The following COL19A1 variants were observed in gnomAD, a reference collection of about 807,000 sequenced individuals.
COL19A1 encodes the protein collagen alpha-1(XIX) chain.
COL19A1 carries 159 observed loss-of-function variants against 190.2 expected under a neutral mutation model. The observed-to-expected ratio is 0.84, with a 90% CI of 0.73 to 0.95. COL19A1 has a LOEUF of 0.95. Among genes scored for constraint, COL19A1 ranks in the 40% least tolerant of loss-of-function variants. COL19A1 has a pLI of 0.00. For missense variants in COL19A1, 1,418 were observed against 1,431.9 expected (o/e 0.99, Z 0.16); for synonymous variants, 509 against 458.9 (o/e 1.11, Z -1.39).
At chr6:69,997,665 A>G (rs1777000109) in intron 11 of COL19A1, among the ~76,000 whole-genome samples, 1 of 152,174 alleles carries the variant, frequency 6.6e-6, no homozygotes, top group Non-Finnish European at 1.5e-5. Context: ...GAACTTAAAT[A>G]TGGATAAATT....
At chr6:70,075,824 T>A (rs928305297) in intron 15 of COL19A1, among the ~76,000 whole-genome samples, 2 of 152,198 alleles carry the variant, frequency 1.3e-5, no homozygotes, top group African/African-American at 4.8e-5. Flanking sequence ...ATAATACTTA[T>A]ATCAATAGTA....
rs549545250 is a variant in COL19A1, at chr6:69,884,239, G to A, written c.91+4581G>A. Reference sequence around the variant, plus strand: ...AATCCCAGCTACTTGGGAGGCTGAGGCAGGAGAATCACTTGAACCCAGGAG... The same window carrying A: ...AATCCCAGCTACTTGGGAGGCTGAGACAGGAGAATCACTTGAACCCAGGAG... On this transcript the variant is annotated intron_variant, in intron 2 of 50. Coordinates refer to ENST00000620364, the MANE Select transcript of COL19A1 (RefSeq NM_001858.6). Among the ~76,000 whole-genome samples, 26 of 151,998 alleles carry A rather than the reference G, an allele frequency of 1.7e-4. No homozygotes were observed. In the South Asian group the frequency reaches 3.7e-3, roughly 22 times the overall value.
chr6:70,146,927 A>T, intron 27 of COL19A1, 38 bp downstream of exon 27: 1 of 1,508,404 alleles, frequency 6.6e-7, no homozygotes, highest in Non-Finnish European at 8.9e-7. Flanking sequence ...TGATTCCAAC[A>T]TTGTGAAACA....
chr6:69,960,149 G>C (rs1477202714), intron 10 of COL19A1, 109 bp downstream of exon 10: 1 of 1,097,948 alleles, frequency 9.1e-7, no homozygotes, highest in Non-Finnish European at 1.3e-6. Context: ...TTCACTCAAA[G>C]ACTTTTAGAA....
chr6:70,150,117 T>C, intron 30 of COL19A1, 72 bp downstream of exon 30: 1 of 1,505,480 alleles, frequency 6.6e-7, no homozygotes, highest in Non-Finnish European at 9.2e-7. Context: ...ACCAAGCAAG[T>C]TTTGCTGTCC....
In COL19A1 at chr6:69,884,861, T is replaced by TC. The variant is rs199929698; in HGVS notation, c.91+5203_91+5204insC. Among the ~76,000 whole-genome samples the TC allele has an allele frequency of 3.0e-5, 3 of 98,912 alleles. 1 individual carries two copies. In the East Asian group the frequency reaches 1.0e-3, roughly 34 times the overall value. The allele number at this position is 98,912 out of a possible 152,430, so 64.9% of individuals were successfully genotyped here. A position where few individuals can be genotyped will look rare whatever the true frequency, so the allele number is the denominator to read the frequency against. Reference sequence around the variant, plus strand: ...GCTGCCTTCCTTTGGCTCTTTTCTCTTTTTTTTTTTTTCCAGACTGAGTCT... The same window carrying TC: ...GCTGCCTTCCTTTGGCTCTTTTCTCTCTTTTTTTTTTTTCCAGACTGAGTCT... On this transcript the variant is annotated intron_variant, in intron 2 of 50. Coordinates refer to ENST00000620364, the MANE Select transcript of COL19A1 (RefSeq NM_001858.6).
At chr6:70,188,663 C>T (rs1766676259) in intron 47 of COL19A1, among the ~76,000 whole-genome samples, 1 of 151,026 alleles carries the variant, frequency 6.6e-6, no homozygotes, top group Non-Finnish European at 1.5e-5. Context: ...TGAAACATGT[C>T]CATTTCATAC....
rs768107458 is a variant in COL19A1, at chr6:70,180,318, C to A, written c.2674C>A (p.Pro892Thr). Reference sequence around the variant, plus strand: ...CTTCAATTTGCCTTGCCAGGGAAAACCTGGTGCCCCAGGGCCTCCAGGAGT... The same window carrying A: ...CTTCAATTTGCCTTGCCAGGGAAAAACTGGTGCCCCAGGGCCTCCAGGAGT... Reference protein sequence around the residue: ...PPGIAGMSGKPGAPGPPGVPG... With the variant: ...PPGIAGMSGKTGAPGPPGVPG... The change falls in exon 43 of 51, where the codon CCT (proline) becomes ACT (threonine). Residue 892 changes from proline to threonine, a missense_variant. By Grantham distance (38) the Pro-to-Thr change is conservative. Coordinates refer to ENST00000620364, the MANE Select transcript of COL19A1 (RefSeq NM_001858.6). 43 of 1,614,120 alleles carry A rather than the reference C, an allele frequency of 2.7e-5. No individual in the cohort carries two copies. The East Asian group carries it at 9.4e-4, about 35-fold the overall frequency.
intron 9 of COL19A1, among the ~76,000 whole-genome samples, chr6:69,953,393 G>T (rs1774232687): frequency 6.6e-6 from 1 of 151,914 alleles, no homozygotes; most frequent in African/African-American, 2.4e-5. Context: ...AAGCCTACTT[G>T]TTGGCTTTAC....
chr6:70,097,517 C>CA (rs200659215), intron 15 of COL19A1, among the ~76,000 whole-genome samples: 29,868 of 139,502 alleles, frequency 0.21, 3,878 homozygotes, highest in Non-Finnish European at 0.31. Flanking sequence ...GATCCTGTCT[C>CA]AAAAAAAAAA....
chr6:69,983,021 TATA>T (rs1395992777), intron 11 of COL19A1, among the ~76,000 whole-genome samples: 1 of 148,102 alleles, frequency 6.8e-6, no homozygotes, highest in Admixed American at 6.8e-5. Flanking sequence ...AATAAATAAA[TATA>T]AAATAAAATC....
At chr6:70,159,164 T>C (rs1787623549) in intron 34 of COL19A1, among the ~76,000 whole-genome samples, 1 of 150,864 alleles carries the variant, frequency 6.6e-6, no homozygotes, top group Non-Finnish European at 1.5e-5. Context: ...AAAAAAGGAA[T>C]ACATATATAC....
At chr6:70,186,914 G>A (rs1021279298) in intron 46 of COL19A1, among the ~76,000 whole-genome samples, 4 of 152,086 alleles carry the variant, frequency 2.6e-5, no homozygotes, top group African/African-American at 9.7e-5. Flanking sequence ...TTTCTCTCTT[G>A]TTGCCCAGGC....
chr6:70,000,385 G>T (rs1480112525), intron 11 of COL19A1, among the ~76,000 whole-genome samples: 1 of 152,172 alleles, frequency 6.6e-6, no homozygotes, highest in African/African-American at 2.4e-5. Flanking sequence ...TATATACCCA[G>T]TAATGGGATT....
rs1470458503 is a variant in COL19A1, at chr6:69,997,040, GAGAGAGAGAA to G, written c.1027-26581_1027-26572del. 9.7e-4 allele frequency among the ~76,000 whole-genome samples: 144 copies of G among 148,478 alleles called. 1 individual carries two copies. The highest frequency in any genetic ancestry group is 3.6e-3 in the African/African-American group (139 of 38,618). On this transcript the variant is annotated intron_variant, in intron 11 of 50. Coordinates refer to ENST00000620364, the MANE Select transcript of COL19A1 (RefSeq NM_001858.6). Reference sequence around the variant, plus strand: ...ATATATATATATAGAGAGAGAGAGAGAGAGAGAGAAAGAGAACCAAAAGAGAATCTAACAG... The same window carrying G: ...ATATATATATATAGAGAGAGAGAGAGAGAGAACCAAAAGAGAATCTAACAG...
chr6:69,984,515 T>G (rs1419862331), intron 11 of COL19A1, among the ~76,000 whole-genome samples: 2 of 152,128 alleles, frequency 1.3e-5, no homozygotes, highest in Non-Finnish European at 2.9e-5. Context: ...AATTTTAGCA[T>G]TTTTTGGTAT....
intron 12 of COL19A1, among the ~76,000 whole-genome samples, chr6:70,024,734 C>G (rs1357755638): frequency 6.6e-6 from 1 of 152,126 alleles, no homozygotes; most frequent in Non-Finnish European, 1.5e-5. Flanking sequence ...ATTCTTATTT[C>G]TCTCCCTTTG....
chr6:69,913,268 T>A (rs1352752260), intron 4 of COL19A1, among the ~76,000 whole-genome samples: 1 of 152,178 alleles, frequency 6.6e-6, no homozygotes, highest in Non-Finnish European at 1.5e-5. Flanking sequence ...TCAGCTTTGA[T>A]GCCAGTGAAA....
At chr6:70,044,339 T>C (rs1779793954) in intron 14 of COL19A1, among the ~76,000 whole-genome samples, 1 of 152,242 alleles carries the variant, frequency 6.6e-6, no homozygotes, top group South Asian at 2.1e-4. Flanking sequence ...AGTAGCACAT[T>C]TAATTTCCTT....
Sources: gnomAD v4.1 joint callset for allele counts (sites outside exome capture counted in the v4.1 genomes callset) on GRCh38, gnomAD v4.1.1 for gene constraint, MANE v1.5 for transcripts, NCBI Gene and HGNC (gene_info 2026-07-23, HGNC 2026-07-21) for gene names.